HERC4: variants seen among roughly 807,000 people sequenced by gnomAD.
HERC4 encodes probable E3 ubiquitin-protein ligase HERC4.
A neutral mutation model predicts 124.3 loss-of-function variants in HERC4; 28 were observed. That is an observed-to-expected ratio of 0.23 (90% CI 0.17 to 0.31). HERC4 has a LOEUF of 0.31. Ranked by LOEUF, HERC4 falls within the 10% of genes least tolerant of loss-of-function variation. HERC4 has a pLI of 1.00. For missense variants in HERC4, 713 were observed against 1,229.3 expected (o/e 0.58, Z 6.28); for synonymous variants, 407 against 421.5 (o/e 0.97, Z 0.42).
intron 15 of HERC4, among the ~76,000 whole-genome samples, chr10:67,984,027 C>CT (rs1243550371): frequency 6.6e-6 from 1 of 151,804 alleles, no homozygotes; most frequent in East Asian, 1.9e-4. Context: ...TCTGGCCAGG[C>CT]TTGGTGGCTC....
intron 23 of HERC4, among the ~76,000 whole-genome samples, chr10:67,930,601 G>C (rs1291447587): frequency 6.6e-6 from 1 of 152,168 alleles, no homozygotes; most frequent in Non-Finnish European, 1.5e-5. Context: ...AGTGGTAAGT[G>C]CTGCTCTGTT....
intron 15 of HERC4, among the ~76,000 whole-genome samples, chr10:67,983,813 A>G (rs891599704): frequency 1.3e-5 from 2 of 151,010 alleles, no homozygotes; most frequent in African/African-American, 4.9e-5. Context: ...AAATACAAAA[A>G]TTAACTGGGT....
At chr10:68,036,991 T>G (rs2039507500) in intron 5 of HERC4, among the ~76,000 whole-genome samples, 1 of 152,140 alleles carries the variant, frequency 6.6e-6, no homozygotes, top group Admixed American at 6.5e-5. Flanking sequence ...TCTCTTAATT[T>G]ATCTGTGCTT....
chr10:67,972,995 A>G (rs2035341785), intron 15 of HERC4, among the ~76,000 whole-genome samples: 1 of 152,214 alleles, frequency 6.6e-6, no homozygotes, highest in African/African-American at 2.4e-5. Context: ...ATTAAGTATT[A>G]AAGGATGATA....
At chr10:68,069,717 A>C (rs1228231716) in intron 3 of HERC4, 21 of 985,356 alleles carry the variant, frequency 2.1e-5, no homozygotes, top group Non-Finnish European at 2.5e-5. Flanking sequence ...AGTTCCCTCC[A>C]TTCCATGTGC....
At position 68,034,178 on chromosome 10, in the gene HERC4, C is replaced by T; in HGVS notation, c.472G>A (p.Val158Ile). The change falls in exon 6 of 25, where the codon GTC becomes ATC. Residue 158 changes from valine to isoleucine, a missense_variant. Transcript: ENST00000373700. ...HSLALSKASE[V>I]FCWGQNKYGQ... The stretch of plus-strand genomic sequence containing the variant: ...TATTTATTCTGTCCCCAACAGAAGA[C>T]TTCACTTGCTGTAAAACAGTAATGG... 2 of 1,609,340 alleles carry T rather than the reference C, an allele frequency of 1.2e-6. No homozygotes were observed. The highest frequency in any genetic ancestry group is 1.3e-5 in the African/African-American group (1 of 74,992).
intron 4 of HERC4, among the ~76,000 whole-genome samples, chr10:68,041,374 C>A (rs1046364927): frequency 5.9e-5 from 9 of 151,980 alleles, no homozygotes; most frequent in African/African-American, 2.2e-4. Context: ...AAAAACTGAC[C>A]TACTCTATAC....
chr10:67,997,331 C>T (rs1236026138), intron 9 of HERC4, among the ~76,000 whole-genome samples: 1 of 152,040 alleles, frequency 6.6e-6, no homozygotes, highest in Non-Finnish European at 1.5e-5. Context: ...TTTATGTTGT[C>T]TTTATTGTCC....
At chr10:67,981,145 A>G (rs985024101) in intron 15 of HERC4, among the ~76,000 whole-genome samples, 1 of 152,244 alleles carries the variant, frequency 6.6e-6, no homozygotes, top group African/African-American at 2.4e-5. Flanking sequence ...TGTTGCCTAC[A>G]AGAAACACAC....
At chr10:68,064,119 T>C (rs2041175648) in intron 3 of HERC4, among the ~76,000 whole-genome samples, 1 of 151,462 alleles carries the variant, frequency 6.6e-6, no homozygotes, top group Non-Finnish European at 1.5e-5. Context: ...GGCACACGCC[T>C]GTAATCCTAG....
intron 19 of HERC4, among the ~76,000 whole-genome samples, chr10:67,952,374 A>G (rs2132275423): frequency 6.6e-6 from 1 of 151,942 alleles, no homozygotes; most frequent in African/African-American, 2.4e-5. Context: ...ACCTCCGTCT[A>G]TTGGGTTCAA....
chr10:68,030,292 A>T (rs1304351281), intron 7 of HERC4, among the ~76,000 whole-genome samples: 2 of 151,762 alleles, frequency 1.3e-5, no homozygotes, highest in Non-Finnish European at 2.9e-5. Flanking sequence ...AATACAAAAA[A>T]TAGCCGGGTG....
intron 11 of HERC4, among the ~76,000 whole-genome samples, chr10:67,991,843 T>C (rs1445110986): frequency 6.6e-6 from 1 of 152,190 alleles, no homozygotes; most frequent in African/African-American, 2.4e-5. Context: ...CATATCTCTA[T>C]GCACATGAAA....
chr10:68,016,598 G>A (rs1013501748), intron 8 of HERC4, among the ~76,000 whole-genome samples: 24 of 152,160 alleles, frequency 1.6e-4, no homozygotes, highest in African/African-American at 4.8e-4. Context: ...TGATCTGCCC[G>A]CCCTGGCCTC....
chr10:68,046,686 T>C (rs2040027048), intron 3 of HERC4, among the ~76,000 whole-genome samples: 1 of 152,172 alleles, frequency 6.6e-6, no homozygotes, highest in Non-Finnish European at 1.5e-5. Flanking sequence ...TAAAAGATAG[T>C]CCAGGCGAGG....
chr10:67,999,209 A>G (rs974764713), intron 9 of HERC4, among the ~76,000 whole-genome samples: 4 of 152,232 alleles, frequency 2.6e-5, no homozygotes, highest in African/African-American at 7.2e-5. Flanking sequence ...ATATTTACAT[A>G]TCAGACATAA....
chr10:68,046,021 T>G (rs1299613474), intron 3 of HERC4, among the ~76,000 whole-genome samples: 1 of 152,006 alleles, frequency 6.6e-6, no homozygotes, highest in East Asian at 1.9e-4. Context: ...AAGCTTCCAG[T>G]ACATGAAGTT....
chr10:68,011,226 A>G (rs958742539), intron 9 of HERC4, among the ~76,000 whole-genome samples: 1 of 152,054 alleles, frequency 6.6e-6, no homozygotes, highest in Non-Finnish European at 1.5e-5. Flanking sequence ...TTTTAAAATT[A>G]TTTTTTGTAG....
At chr10:67,996,167 C>T (rs770058816) in intron 9 of HERC4, 27 of 447,990 alleles carry the variant, frequency 6.0e-5, no homozygotes, top group African/African-American at 3.4e-4. Context: ...ATTGGTTAAG[C>T]GTGGTGGCGC....
Sources: allele counts gnomAD v4.1 joint callset (sites outside exome capture counted in the v4.1 genomes callset), GRCh38; gene constraint gnomAD v4.1.1; transcripts MANE v1.5; gene names NCBI Gene and HGNC (gene_info 2026-07-23, HGNC 2026-07-21).